CNTN4: variants seen among roughly 807,000 people sequenced by gnomAD.
The protein encoded by CNTN4 is contactin 4, also known as contactin-4.
CNTN4 carries 77 observed loss-of-function variants against 122.5 expected under a neutral mutation model. The ratio of observed to expected loss-of-function variants is 0.63; its 90% CI spans 0.52 to 0.76. The LOEUF (loss-of-function observed/expected upper bound fraction) is 0.76. Ranked by LOEUF, CNTN4 falls within the 30% of genes least tolerant of loss-of-function variation. The pLI, the probability that CNTN4 is intolerant of heterozygous loss-of-function variation, is 0.00. For missense variants in CNTN4, 1,256 were observed against 1,259.1 expected, an observed-to-expected ratio of 1.00 and a Z score of 0.04; for synonymous variants, 512 against 447.0, an observed-to-expected ratio of 1.15 and a Z score of -1.83.
intron 7 of CNTN4, among the ~76,000 whole-genome samples, chr3:2,864,570 C>T (rs2093703263): frequency 6.6e-6 from 1 of 151,676 alleles, no homozygotes; most frequent in African/African-American, 2.4e-5. Context: ...GAAACCCTGT[C>T]TCTACTAAAA....
intron 2 of CNTN4, among the ~76,000 whole-genome samples, chr3:2,240,316 A>G (rs2039881237): frequency 6.6e-6 from 1 of 152,166 alleles, no homozygotes; most frequent in South Asian, 2.1e-4. Context: ...ATCTTACCCT[A>G]AAGTGGGATA....
intron 7 of CNTN4, among the ~76,000 whole-genome samples, chr3:2,842,457 C>G (rs2093379404): frequency 6.6e-6 from 1 of 152,190 alleles, no homozygotes; most frequent in Non-Finnish European, 1.5e-5. Flanking sequence ...GATACATTTT[C>G]TTTCCCTGCT....
chr3:2,510,467 A>C (rs2076853318), intron 3 of CNTN4, among the ~76,000 whole-genome samples: 1 of 151,714 alleles, frequency 6.6e-6, no homozygotes, highest in Non-Finnish European at 1.5e-5. Context: ...CTTCTTTATC[A>C]TACAGGCTCC....
At chr3:2,480,388 C>T (rs2075957797) in intron 3 of CNTN4, among the ~76,000 whole-genome samples, 2 of 152,050 alleles carry the variant, frequency 1.3e-5, no homozygotes, top group African/African-American at 4.8e-5. Context: ...ATAAAATCTC[C>T]TGGATGTAAT....
chr3:2,211,350 A>T (rs2038607516), intron 2 of CNTN4, among the ~76,000 whole-genome samples: 1 of 152,092 alleles, frequency 6.6e-6, no homozygotes. Context: ...TCAACATGAG[A>T]TTTGGGTGAG....
intron 4 of CNTN4, among the ~76,000 whole-genome samples, chr3:2,618,826 C>T (rs2081880788): frequency 6.6e-6 from 1 of 152,142 alleles, no homozygotes; most frequent in Non-Finnish European, 1.5e-5. Flanking sequence ...ACATACTTCT[C>T]TTAAAAATGT....
intron 7 of CNTN4, among the ~76,000 whole-genome samples, chr3:2,863,444 CTTT>C (rs5846228): frequency 6.5e-5 from 6 of 92,360 alleles, no homozygotes; most frequent in Admixed American, 2.4e-4. Context: ...ATGGTTTCTT[CTTT>C]TTTTTTTTTT....
At chr3:2,616,245 A>G (rs568271936) in intron 4 of CNTN4, among the ~76,000 whole-genome samples, 87 of 150,736 alleles carry the variant, frequency 5.8e-4, no homozygotes, top group Admixed American at 8.6e-4. Flanking sequence ...AACATGCGGT[A>G]TTTGGTTTTC....
intron 6 of CNTN4, among the ~76,000 whole-genome samples, chr3:2,813,259 C>G (rs534325960): frequency 1.4e-4 from 22 of 152,102 alleles, no homozygotes; most frequent in Admixed American, 8.5e-4. Flanking sequence ...TATCACTTGA[C>G]CATTTTTCCA....
At chr3:2,420,072 C>G (rs1156892776) in intron 3 of CNTN4, among the ~76,000 whole-genome samples, 1 of 152,146 alleles carries the variant, frequency 6.6e-6, no homozygotes, top group African/African-American at 2.4e-5. Flanking sequence ...TCATACAGTG[C>G]AATAGTACAA....
At chr3:2,951,001 G>A (rs142133524) in intron 13 of CNTN4, among the ~76,000 whole-genome samples, 1 of 152,162 alleles carries the variant, frequency 6.6e-6, no homozygotes, top group African/African-American at 2.4e-5. Context: ...TATCACTTTG[G>A]GCAGGTTACT....
chr3:2,524,131 C>G (rs1403937321), intron 3 of CNTN4, among the ~76,000 whole-genome samples: 1 of 152,070 alleles, frequency 6.6e-6, no homozygotes, highest in Non-Finnish European at 1.5e-5. Context: ...GAAACCCCAC[C>G]TGTTCACAGT....
chr3:2,672,783 AC>A (rs1163553449), intron 4 of CNTN4, among the ~76,000 whole-genome samples: 1 of 152,134 alleles, frequency 6.6e-6, no homozygotes, highest in African/African-American at 2.4e-5. Context: ...GGCAGACAGG[AC>A]CCTTAATTGG....
chr3:2,116,757 C>T (rs933715100), intron 2 of CNTN4, among the ~76,000 whole-genome samples: 2 of 152,048 alleles, frequency 1.3e-5, no homozygotes, highest in African/African-American at 4.8e-5. Flanking sequence ...TTCTCTATCC[C>T]CCCTGCCAAC....
At chr3:2,225,106 G>A (rs868640728) in intron 2 of CNTN4, among the ~76,000 whole-genome samples, 16 of 151,418 alleles carry the variant, frequency 1.1e-4, no homozygotes, top group South Asian at 8.3e-4. Flanking sequence ...AGCCGAGATC[G>A]CACCACTGCA....
At chr3:3,013,259 G>A (rs1286011479) in intron 14 of CNTN4, among the ~76,000 whole-genome samples, 2 of 152,118 alleles carry the variant, frequency 1.3e-5, no homozygotes, top group Non-Finnish European at 2.9e-5. Context: ...TGACTTGCTG[G>A]TGGTTTCATG....
At chr3:2,599,518 A>C (rs150717452) in intron 4 of CNTN4, among the ~76,000 whole-genome samples, 93 of 152,300 alleles carry the variant, frequency 6.1e-4, no homozygotes, top group African/African-American at 2.2e-3. Flanking sequence ...GGTGATGGTG[A>C]GTAACAAGTC....
intron 4 of CNTN4, among the ~76,000 whole-genome samples, chr3:2,636,183 A>G (rs2082649853): frequency 6.6e-6 from 1 of 151,984 alleles, no homozygotes; most frequent in South Asian, 2.1e-4. Flanking sequence ...CAAACCCCAA[A>G]CCTTGGCATT....
chr3:2,804,737 C>CTTTTTTTTTT (rs370653933), intron 6 of CNTN4, among the ~76,000 whole-genome samples: 1 of 144,880 alleles, frequency 6.9e-6, no homozygotes, highest in Admixed American at 6.9e-5. Flanking sequence ...ATTTTGAGCA[C>CTTTTTTTTTT]TTTTTTTTTG....
Sources: allele counts gnomAD v4.1 joint callset (sites outside exome capture counted in the v4.1 genomes callset), GRCh38; gene constraint gnomAD v4.1.1; transcripts MANE v1.5; gene names NCBI Gene and HGNC (gene_info 2026-07-23, HGNC 2026-07-21).